Variants in GRID2 observed in about 807,000 individuals in gnomAD.
GRID2 encodes glutamate ionotropic receptor delta type subunit 2.
GRID2 carries 33 observed loss-of-function variants against 114.8 expected under a neutral mutation model. That is an observed-to-expected ratio of 0.29 (90% CI 0.22 to 0.38). GRID2 has a LOEUF of 0.38. GRID2 is among the 10% of genes least tolerant of loss of function. The pLI, the probability that GRID2 is intolerant of heterozygous loss-of-function variation, is 1.00. For missense variants in GRID2, 1,184 were observed against 1,257.7 expected (o/e 0.94, Z 0.89); for synonymous variants, 505 against 449.9 (o/e 1.12, Z -1.55).
chr4:93,155,083 C>G (rs569061425), intron 4 of GRID2, among the ~76,000 whole-genome samples: 1 of 152,042 alleles, frequency 6.6e-6, no homozygotes, highest in Non-Finnish European at 1.5e-5. Context: ...TCGGCTCTCT[C>G]AAATAACCTG....
chr4:92,343,302 C>G (rs572245802), intron 1 of GRID2, among the ~76,000 whole-genome samples: 32 of 150,940 alleles, frequency 2.1e-4, no homozygotes, highest in African/African-American at 7.0e-4. Flanking sequence ...ATGCTTAGTA[C>G]TATTATTATA....
intron 8 of GRID2, among the ~76,000 whole-genome samples, chr4:93,390,814 T>C (rs1005123469): frequency 1.3e-5 from 2 of 152,024 alleles, no homozygotes; most frequent in African/African-American, 2.4e-5. Flanking sequence ...TTTATTCAAA[T>C]ATGTCTATAT....
At chr4:93,666,658 T>C (rs921153882) in intron 14 of GRID2, among the ~76,000 whole-genome samples, 1 of 152,074 alleles carries the variant, frequency 6.6e-6, no homozygotes, top group Non-Finnish European at 1.5e-5. Context: ...GGTGTTGATA[T>C]GGTTTTTCTG....
intron 8 of GRID2, among the ~76,000 whole-genome samples, chr4:93,295,713 T>C (rs1754229808): frequency 6.6e-6 from 1 of 152,224 alleles, no homozygotes; most frequent in East Asian, 1.9e-4. Flanking sequence ...CCCATCCAGA[T>C]GATCTTGGAT....
At chr4:93,209,091 G>A (rs1442539201) in intron 5 of GRID2, among the ~76,000 whole-genome samples, 3 of 151,770 alleles carry the variant, frequency 2.0e-5, no homozygotes, top group African/African-American at 7.3e-5. Flanking sequence ...GTTTTGTTTT[G>A]TTTTTGTTTT....
rs146408924 is a variant in GRID2 at position 93,532,838 on chromosome 4, A to G, written c.2193+17427A>G. Among the ~76,000 whole-genome samples, 70 of 152,244 alleles carry G rather than the reference A, an allele frequency of 4.6e-4. 1 individual carries two copies. The highest frequency in any genetic ancestry group is 4.6e-4 in the Admixed American group (7 of 15,282). On this transcript the variant is annotated intron_variant, in intron 13 of 15. Coordinates refer to ENST00000282020, the MANE Select transcript of GRID2 (RefSeq NM_001510.4). ...GCTCCACATATTATACACAATAATAAAAGACTCAAATCTCATTTTCTAACC... is the reference window on the plus strand; with the variant it reads ...GCTCCACATATTATACACAATAATAGAAGACTCAAATCTCATTTTCTAACC...
intron 14 of GRID2, among the ~76,000 whole-genome samples, chr4:93,651,066 A>G (rs140815914): frequency 2.6e-5 from 4 of 152,292 alleles, no homozygotes; most frequent in African/African-American, 9.6e-5. Context: ...AAAACTGGCT[A>G]CCTCTAGGAC....
At chr4:92,811,026 A>G (rs1578222098) in intron 2 of GRID2, among the ~76,000 whole-genome samples, 1 of 152,064 alleles carries the variant, frequency 6.6e-6, no homozygotes. Context: ...CAAGCAGTCC[A>G]CCTGCCTCGG....
At chr4:92,803,765 A>G (rs1740283617) in intron 2 of GRID2, among the ~76,000 whole-genome samples, 1 of 152,036 alleles carries the variant, frequency 6.6e-6, no homozygotes, top group Non-Finnish European at 1.5e-5. Flanking sequence ...ATACAGCCAT[A>G]CATTCTTTTT....
intron 8 of GRID2, among the ~76,000 whole-genome samples, chr4:93,316,789 T>C (rs966210125): frequency 1.3e-5 from 2 of 152,194 alleles, no homozygotes; most frequent in African/African-American, 4.8e-5. Flanking sequence ...TATATGTATT[T>C]GCACCATTTC....
At chr4:93,555,177 G>A (rs1734187943) in intron 13 of GRID2, among the ~76,000 whole-genome samples, 1 of 152,146 alleles carries the variant, frequency 6.6e-6, no homozygotes, top group Admixed American at 6.5e-5. Context: ...ACAAAACTGG[G>A]TGGCCACTTG....
intron 1 of GRID2, among the ~76,000 whole-genome samples, chr4:92,405,589 A>T (rs1173495421): frequency 2.0e-5 from 3 of 152,082 alleles, no homozygotes; most frequent in African/African-American, 7.2e-5. Flanking sequence ...AAATTTTCAT[A>T]CAATAATTCA....
At chr4:93,533,714 A>T (rs566860867) in intron 13 of GRID2, among the ~76,000 whole-genome samples, 1 of 151,776 alleles carries the variant, frequency 6.6e-6, no homozygotes, top group African/African-American at 2.4e-5. Flanking sequence ...ATTTAAAAAC[A>T]TACAAATTTT....
chr4:93,655,548 G>A (rs116547101), intron 14 of GRID2, among the ~76,000 whole-genome samples: 1,739 of 152,166 alleles, frequency 0.011, 39 homozygotes, highest in African/African-American at 0.039. Context: ...TGTAAAAGCC[G>A]AAAGATAGGT....
In GRID2 at chr4:93,772,387, T is replaced by C; in HGVS notation, c.2913T>C (p.Asn971=). Reference sequence around the variant, plus strand: ...GCCCTTTTAGGCACAGGGCACCTAATGGGGGCTTTTTCAGGAGTCCTATAA... The same window carrying C: ...GCCCTTTTAGGCACAGGGCACCTAACGGGGGCTTTTTCAGGAGTCCTATAA... ...RTGPFRHRAP[N]GGFFRSPIKT... is the part of the protein sequence containing the mutation. The change falls in exon 16 of 16, where the codon AAT becomes AAC. Residue 971 remains asparagine, a synonymous_variant. Coordinates refer to ENST00000282020, the MANE Select transcript of GRID2 (RefSeq NM_001510.4). 1 of 1,613,962 alleles carries C rather than the reference T, an allele frequency of 6.2e-7. No individual in the cohort carries two copies. Among genetic ancestry groups the C allele is most frequent in the Non-Finnish European group, 8.5e-7 (1 of 1,179,924 alleles).
intron 8 of GRID2, among the ~76,000 whole-genome samples, chr4:93,289,124 G>A (rs1056826875): frequency 2.6e-5 from 4 of 152,212 alleles, no homozygotes; most frequent in African/African-American, 7.2e-5. Flanking sequence ...ATAAGTGGTT[G>A]TTGATGATCC....
chr4:92,524,285 C>G (rs1406054278), intron 1 of GRID2, among the ~76,000 whole-genome samples: 8 of 151,892 alleles, frequency 5.3e-5, no homozygotes, highest in Admixed American at 4.6e-4. Flanking sequence ...AATGTAATGA[C>G]TTTAACAAAC....
intron 2 of GRID2, among the ~76,000 whole-genome samples, chr4:92,611,116 A>ATG (rs879367445): frequency 3.2e-4 from 39 of 121,760 alleles, no homozygotes; most frequent in Middle Eastern, 7.9e-3. Flanking sequence ...ATGTGTGTGT[A>ATG]TGTGTGTGTG....
intron 1 of GRID2, among the ~76,000 whole-genome samples, chr4:93,798,700 C>T (rs907157649): frequency 6.6e-6 from 1 of 152,196 alleles, no homozygotes. Context: ...ATAAACTTTA[C>T]TAGTTTAAGT....
Sources: allele counts gnomAD v4.1 joint callset (sites outside exome capture counted in the v4.1 genomes callset), GRCh38; gene constraint gnomAD v4.1.1; transcripts MANE v1.5; gene names NCBI Gene and HGNC (gene_info 2026-07-23, HGNC 2026-07-21).